The following DGKK variants were observed in gnomAD, a reference collection of about 807,000 sequenced individuals.
DGKK encodes the protein diacylglycerol kinase kappa.
Under a neutral mutation model 92.2 loss-of-function variants are expected in DGKK, and 35 were observed. The observed-to-expected ratio is 0.38, with a 90% CI of 0.29 to 0.50. DGKK has a LOEUF of 0.50. Among genes scored for constraint, DGKK ranks in the 20% least tolerant of loss-of-function variants. The probability of loss-of-function intolerance (pLI) is 0.92; values close to 1 mark genes in which losing one functional copy is unlikely to be tolerated. For missense variants in DGKK, 910 were observed against 992.2 expected (o/e 0.92, Z 1.11); for synonymous variants, 368 against 360.6 (o/e 1.02, Z -0.23).
intron 8 of DGKK, among the ~76,000 whole-genome samples, chrX:50,399,620 T>C (rs1557226408): frequency 1.8e-5 from 2 of 112,317 alleles, no homozygotes; most frequent in Non-Finnish European, 3.8e-5. Context: ...ATTGACCATA[T>C]ATAGAGTGAA....
At chrX:50,412,779 T>C (rs782481130) in intron 4 of DGKK, among the ~76,000 whole-genome samples, 1 of 112,150 alleles carries the variant, frequency 8.9e-6, no homozygotes, top group Non-Finnish European at 1.9e-5. Flanking sequence ...GTCTTTTCAA[T>C]AAATGATGTT....
chrX:50,439,946 T>C (rs1346020054), intron 1 of DGKK, among the ~76,000 whole-genome samples: 1 of 111,305 alleles, frequency 9.0e-6, no homozygotes, highest in African/African-American at 3.3e-5. Context: ...AAATGCTCTA[T>C]TGAAGCCTGG....
Position 50,379,981 on chromosome X carries a change from C to T in DGKK, c.2754G>A (p.Glu918=). ...YRKLEERVHL[E]CDGETISLPN... is the part of the protein sequence containing the mutation. ...AAAGACTACCCGCTTTTCCACTAAC[C>T]TCCAAATGCACTCGTTCTTCCAGTT... The change falls in exon 19 of 28, where the codon GAG becomes GAA. Residue 918 remains glutamate, a splice_region_variant and synonymous_variant. Coordinates refer to ENST00000611977, the MANE Select transcript of DGKK (RefSeq NM_001013742.4). 1 of 1,210,909 alleles carries T rather than the reference C, an allele frequency of 8.3e-7. No individual in the cohort carries two copies. The highest frequency in any genetic ancestry group is 1.1e-6 in the Non-Finnish European group (1 of 894,597).
At chrX:50,434,828 G>A (rs996695569) in intron 1 of DGKK, among the ~76,000 whole-genome samples, 1 of 112,046 alleles carries the variant, frequency 8.9e-6, no homozygotes, top group Admixed American at 9.5e-5. Context: ...ATTTAAAAGT[G>A]CTTGCAACCT....
chrX:50,374,108 G>A (rs782251651), intron 25 of DGKK, among the ~76,000 whole-genome samples: 30 of 112,045 alleles, frequency 2.7e-4, no homozygotes, highest in Admixed American at 7.5e-4. Context: ...GGAATGACAC[G>A]TTGAAGACCT....
intron 1 of DGKK, among the ~76,000 whole-genome samples, chrX:50,459,841 G>A (rs1557233185): frequency 3.6e-5 from 4 of 111,315 alleles, no homozygotes; most frequent in Non-Finnish European, 7.5e-5. Context: ...TGAGGTTAGT[G>A]AGAAGGGTAC....
chrX:50,463,988 A>C (rs1557233690), intron 1 of DGKK, among the ~76,000 whole-genome samples: 1 of 110,374 alleles, frequency 9.1e-6, no homozygotes. Flanking sequence ...AAATTATCAC[A>C]TGTTCCCTGA....
At chrX:50,401,164 G>T in intron 7 of DGKK, 25 bp from the exon 8 acceptor site, 1 of 1,119,141 alleles carries the variant, frequency 8.9e-7, no homozygotes, top group Non-Finnish European at 1.2e-6. Context: ...GAAGAGCAGA[G>T]AAAAAAAAGG....
At chrX:50,403,019 A>G in intron 7 of DGKK, 42 bp downstream of exon 7, 1 of 1,198,778 alleles carries the variant, frequency 8.3e-7, no homozygotes, top group South Asian at 1.8e-5. Context: ...CTCCCTCGCC[A>G]GGAGTTAAGT....
chrX:50,387,647 C>T lies in DGKK; in HGVS notation c.2025G>A (p.Leu675=), dbSNP rs1557225103. 1 of 1,193,467 alleles carries T rather than the reference C, an allele frequency of 8.4e-7. No homozygotes were observed. The highest frequency in any genetic ancestry group is 1.1e-6 in the Non-Finnish European group (1 of 880,359). The change falls in exon 14 of 28, where the codon TTG becomes TTA. Residue 675 remains leucine, a synonymous_variant. Coordinates refer to ENST00000611977, the MANE Select transcript of DGKK (RefSeq NM_001013742.4). ...PTEMIIATRF[L]CSAVEDFVVD... ...CCACAAAATCTTCCACAGCTGAACA[C>T]AAGAATCTGGAAAGATAAAATAGAT... is the stretch of plus-strand genomic sequence containing the variant.
At chrX:50,422,087 G>A (rs1312867798) in intron 3 of DGKK, among the ~76,000 whole-genome samples, 1 of 111,623 alleles carries the variant, frequency 9.0e-6, no homozygotes, top group Non-Finnish European at 1.9e-5. Context: ...CATCAGAGGA[G>A]AGGATGTCAT....
At chrX:50,393,058 C>G (rs1162155271) in intron 9 of DGKK, 94 bp downstream of exon 9, 1 of 763,512 alleles carries the variant, frequency 1.3e-6, no homozygotes, top group Non-Finnish European at 1.9e-6. Context: ...TGCCCAAATA[C>G]AAGAACTGAT....
chrX:50,406,360 A>G (rs1487634242), intron 4 of DGKK, among the ~76,000 whole-genome samples: 2 of 111,909 alleles, frequency 1.8e-5, no homozygotes, highest in African/African-American at 6.5e-5. Context: ...GTGGCGATTG[A>G]ACTGTGTCCC....
At chrX:50,463,443 CA>C (rs1474044765) in intron 1 of DGKK, among the ~76,000 whole-genome samples, 1 of 104,337 alleles carries the variant, frequency 9.6e-6, no homozygotes, top group Non-Finnish European at 2.0e-5. Context: ...CTCCCTATCT[CA>C]GTCTCTCCCT....
chrX:50,466,099 A>G (rs1327871401), intron 1 of DGKK, among the ~76,000 whole-genome samples: 1 of 87,626 alleles, frequency 1.1e-5, no homozygotes, highest in Non-Finnish European at 2.1e-5. Context: ...CCCTAGTCGG[A>G]GATTTTAATA....
chrX:50,378,740 C>A (rs182655837), intron 20 of DGKK, 49 bp from the exon 21 acceptor site: 8 of 991,700 alleles, frequency 8.1e-6, no homozygotes, highest in African/African-American at 1.9e-5. Flanking sequence ...GAAATCACAC[C>A]CTGTCTATAA....
intron 1 of DGKK, among the ~76,000 whole-genome samples, chrX:50,437,294 C>A (rs1376280393): frequency 9.0e-6 from 1 of 111,120 alleles, no homozygotes; most frequent in African/African-American, 3.3e-5. Flanking sequence ...GATCTGCATC[C>A]TTTTCCAACT....
chrX:50,378,766 A>G, intron 20 of DGKK, 75 bp from the exon 21 acceptor site: 1 of 810,047 alleles, frequency 1.2e-6, no homozygotes, highest in East Asian at 3.4e-5. Context: ...AGGCATGTTT[A>G]AAGGCTCCTG....
At chrX:50,432,394 T>A (rs1159057835) in intron 1 of DGKK, among the ~76,000 whole-genome samples, 1 of 112,680 alleles carries the variant, frequency 8.9e-6, no homozygotes, top group Admixed American at 9.3e-5. Flanking sequence ...TTTACACACG[T>A]GAGCAAACAT....
Sources: allele counts gnomAD v4.1 joint callset (sites outside exome capture counted in the v4.1 genomes callset), GRCh38; gene constraint gnomAD v4.1.1; transcripts MANE v1.5; gene names NCBI Gene and HGNC (gene_info 2026-07-23, HGNC 2026-07-21).